PRICKLE1: variants seen among roughly 807,000 people sequenced by gnomAD.
PRICKLE1 encodes prickle-like protein 1.
PRICKLE1 carries 14 observed loss-of-function variants against 70.2 expected under a neutral mutation model. The observed-to-expected ratio is 0.20, with a 90% CI of 0.13 to 0.31. The LOEUF (loss-of-function observed/expected upper bound fraction) is 0.31. Ranked by LOEUF, PRICKLE1 falls within the 10% of genes least tolerant of loss-of-function variation. The pLI, the probability that PRICKLE1 is intolerant of heterozygous loss-of-function variation, is 1.00. For synonymous variants in PRICKLE1, 357 were observed against 379.9 expected (o/e 0.94, Z 0.70); for missense variants, 821 against 1,026.2 (o/e 0.80, Z 2.73).
Position 42,472,612 on chromosome 12 carries a change from T to C in PRICKLE1, c.-48-48A>G. 3.4e-6 allele frequency: 5 copies of C among 1,491,938 alleles called. 1 individual carries two copies. Among genetic ancestry groups the C allele is most frequent in the South Asian group, 2.3e-5 (2 of 87,244 alleles). The allele number at this position is 1,491,938 out of a possible 1,614,324, so 92.4% of individuals were successfully genotyped here. ...CAAAGACATCTAAAACCTGAATGCA[T>C]TTCTCTTACCCCCGACCCAGAGCTT... On this transcript the variant is annotated intron_variant, in intron 1 of 7. Transcript: ENST00000345127.
Position 42,499,809 on chromosome 12 carries a change from C to A in PRICKLE1, c.-48-27245G>T, listed in dbSNP as rs1593140574. Among the ~76,000 whole-genome samples the A allele has an allele frequency of 1.3e-5, 2 of 152,056 alleles. 1 individual carries two copies. The highest frequency in any genetic ancestry group is 1.3e-4 in the Admixed American group (2 of 15,238). Reference sequence around the variant, plus strand: ...GTGGACTGATCTTGGCTCACTGCAACCTCTGCCTCCCGGGTTCAAGCGATT... The same window carrying A: ...GTGGACTGATCTTGGCTCACTGCAAACTCTGCCTCCCGGGTTCAAGCGATT... On this transcript the variant is annotated intron_variant, in intron 1 of 7. Transcript: ENST00000345127.
chr12:42,469,709 C>T, intron 3 of PRICKLE1, 122 bp from the exon 4 acceptor site: 1 of 1,266,030 alleles, frequency 7.9e-7, no homozygotes, highest in Non-Finnish European at 1.1e-6. Flanking sequence ...GTGTCACACC[C>T]CCACGATTTT....
intron 1 of PRICKLE1, among the ~76,000 whole-genome samples, chr12:42,489,554 G>T (rs1939054819): frequency 1.3e-5 from 2 of 150,312 alleles, no homozygotes. Context: ...CAGCTACTTG[G>T]GAGGCAGAGG....
intron 1 of PRICKLE1, among the ~76,000 whole-genome samples, chr12:42,474,223 G>C (rs1424665679): frequency 1.3e-5 from 2 of 152,190 alleles, no homozygotes; most frequent in African/African-American, 4.8e-5. Context: ...AGTGAGCTGA[G>C]ATTGCACCCC....
Position 42,460,294 on chromosome 12 carries a change from G to A in PRICKLE1, c.2011C>T (p.His671Tyr), listed in dbSNP as rs776619006. 3.7e-6 allele frequency: 6 copies of A among 1,614,016 alleles called. No individual in the cohort carries two copies. The highest frequency in any genetic ancestry group is 1.3e-5 in the African/African-American group (1 of 74,892). The change falls in exon 8 of 8, where the codon CAT (histidine) becomes TAT (tyrosine). Residue 671 changes from histidine to tyrosine, a missense_variant. By Grantham distance (83) the His-to-Tyr change is moderately conservative. Coordinates refer to ENST00000345127, the MANE Select transcript of PRICKLE1 (RefSeq NM_153026.3). The part of the protein sequence containing the change: ...YNFEERGSRS[H>Y]HHRRRRSRKS... The stretch of plus-strand genomic sequence containing the variant: ...CTACTTCTCCGGCGGCGGTGGTGAT[G>A]AGACCTGGATCCCCTCTCTTCAAAA...
At chr12:42,554,330 A>C (rs1940377520) in intron 1 of PRICKLE1, among the ~76,000 whole-genome samples, 1 of 152,236 alleles carries the variant, frequency 6.6e-6, no homozygotes, top group Non-Finnish European at 1.5e-5. Flanking sequence ...GGAAATAGAA[A>C]ATACAAATGA....
intron 1 of PRICKLE1, among the ~76,000 whole-genome samples, chr12:42,554,194 C>T (rs1209628251): frequency 1.3e-5 from 2 of 152,136 alleles, no homozygotes; most frequent in Non-Finnish European, 2.9e-5. Flanking sequence ...ATTAAATAAG[C>T]TGATACTATA....
chr12:42,506,110 T>C (rs1194484114), intron 1 of PRICKLE1, among the ~76,000 whole-genome samples: 1 of 149,054 alleles, frequency 6.7e-6, no homozygotes, highest in Non-Finnish European at 1.5e-5. Context: ...CAAGCACCCA[T>C]GTTGCTGAGT....
chr12:42,564,153 G>A (rs1940578411), intron 1 of PRICKLE1, among the ~76,000 whole-genome samples: 1 of 150,778 alleles, frequency 6.6e-6, no homozygotes, highest in African/African-American at 2.4e-5. Flanking sequence ...AGCTACTTGG[G>A]AGGCTGAGGC....
intron 1 of PRICKLE1, among the ~76,000 whole-genome samples, chr12:42,490,928 T>A (rs1939088804): frequency 6.6e-6 from 1 of 152,094 alleles, no homozygotes; most frequent in Admixed American, 6.5e-5. Flanking sequence ...TGGAGTGCAA[T>A]GGTGCGATCT....
rs1285200781 is a variant in PRICKLE1, at chr12:42,527,919, A to C, written c.-48-55355T>G. On this transcript the variant is annotated intron_variant, in intron 1 of 7. Coordinates refer to ENST00000345127, the MANE Select transcript of PRICKLE1 (RefSeq NM_153026.3). ...GGAGTTTATATATACTCTTTATAATATATATATATATATATATATATATAT... is the reference window on the plus strand; with the variant it reads ...GGAGTTTATATATACTCTTTATAATCTATATATATATATATATATATATAT... 3.4e-3 allele frequency among the ~76,000 whole-genome samples: 9 copies of C among 2,618 alleles called. 2 individuals are homozygous for C. Among genetic ancestry groups the C allele is most frequent in the South Asian group, 0.026 (2 of 76 alleles). 1.7% of individuals were successfully genotyped at this position (2,618 alleles called of 152,430 possible). A position where few individuals can be genotyped will look rare whatever the true frequency, so the allele number is the denominator to read the frequency against.
At chr12:42,523,915 A>T (rs1251925201) in intron 1 of PRICKLE1, among the ~76,000 whole-genome samples, 2 of 152,246 alleles carry the variant, frequency 1.3e-5, no homozygotes, top group Non-Finnish European at 2.9e-5. Context: ...AAAGCACCAA[A>T]CACAGTACAC....
intron 1 of PRICKLE1, among the ~76,000 whole-genome samples, chr12:42,538,628 A>C (rs1041181774): frequency 6.6e-6 from 1 of 152,132 alleles, no homozygotes; most frequent in African/African-American, 2.4e-5. Flanking sequence ...CTGAACTTCT[A>C]CTAGAGTTAA....
intron 1 of PRICKLE1, among the ~76,000 whole-genome samples, chr12:42,517,836 G>A (rs777161411): frequency 2.0e-5 from 3 of 151,980 alleles, no homozygotes; most frequent in African/African-American, 4.8e-5. Flanking sequence ...AAAAGTGGGG[G>A]TATTTCCTTT....
intron 1 of PRICKLE1, among the ~76,000 whole-genome samples, chr12:42,497,267 C>T (rs550557733): frequency 4.6e-5 from 7 of 152,162 alleles, no homozygotes; most frequent in South Asian, 2.1e-4. Context: ...TATCGATGGC[C>T]GGGCGTGGTG....
intron 1 of PRICKLE1, among the ~76,000 whole-genome samples, chr12:42,487,628 T>C (rs944288655): frequency 2.6e-5 from 4 of 152,230 alleles, no homozygotes; most frequent in African/African-American, 4.8e-5. Flanking sequence ...TCAATTACTA[T>C]GTGACAATGG....
rs1937637145 is a variant in PRICKLE1 at position 42,457,805 on chromosome 12, T to C, written c.*2004A>G. ...CTTTTAAAAGACACATTTATACGAA[T>C]GTGCTTTGAATGTCTGAAGGAGACA... On this transcript the variant is annotated 3_prime_UTR_variant, in exon 8 of 8. Coordinates refer to ENST00000345127, the MANE Select transcript of PRICKLE1 (RefSeq NM_153026.3). 6.6e-6 allele frequency: 1 copy of C among 152,244 alleles called. No individual in the cohort carries two copies. The highest frequency in any genetic ancestry group is 1.5e-5 in the Non-Finnish European group (1 of 68,052). 9.4% of individuals were successfully genotyped at this position (152,244 alleles called of 1,614,324 possible).
chr12:42,537,869 G>A (rs111929225), intron 1 of PRICKLE1, among the ~76,000 whole-genome samples: 3 of 152,260 alleles, frequency 2.0e-5, no homozygotes, highest in East Asian at 1.9e-4. Flanking sequence ...CCAAACAATC[G>A]TGTAACAGTA....
chr12:42,491,319 G>A lies in PRICKLE1; in HGVS notation c.-48-18755C>T, dbSNP rs1261089380. Among the ~76,000 whole-genome samples the A allele has an allele frequency of 2.0e-5, 3 of 151,268 alleles. No individual in the cohort carries two copies. The East Asian group carries it at 5.9e-4, about 30-fold the overall frequency. ...TGTAATCCTAGCACTTTGGGAGGCC[G>A]AGGTGGGCGGATCACCTGAGGTCAG... is the stretch of plus-strand genomic sequence containing the variant. On this transcript the variant is annotated intron_variant, in intron 1 of 7. Coordinates refer to ENST00000345127, the MANE Select transcript of PRICKLE1 (RefSeq NM_153026.3).
Sources: allele counts gnomAD v4.1 joint callset (sites outside exome capture counted in the v4.1 genomes callset), GRCh38; gene constraint gnomAD v4.1.1; transcripts MANE v1.5; gene names NCBI Gene and HGNC (gene_info 2026-07-23, HGNC 2026-07-21).